ASIP: variants seen among roughly 807,000 people sequenced by gnomAD.
ASIP encodes agouti signaling protein.
A neutral mutation model predicts 10.3 loss-of-function variants in ASIP; 11 were observed. The ratio of observed to expected loss-of-function variants is 1.07; its 90% CI spans 0.68 to 1.78. The LOEUF is 1.78. Ranked by LOEUF, ASIP falls within the 40% of genes most tolerant of loss-of-function variation. The pLI, the probability that ASIP is intolerant of heterozygous loss-of-function variation, is 0.00. For missense variants in ASIP, 180 were observed against 169.2 expected, an observed-to-expected ratio of 1.06 and a Z score of -0.35; for synonymous variants, 70 against 70.8, an observed-to-expected ratio of 0.99 and a Z score of 0.06.
At chr20:34,192,087 G>T (rs1378518165), upstream of ASIP, among the ~76,000 whole-genome samples, 13 of 150,008 alleles carry the variant, frequency 8.7e-5, no homozygotes, top group African/African-American at 2.7e-4. Flanking sequence ...TGTTGCCCAT[G>T]GTGCAATGGC....
intron 1 of ASIP, among the ~76,000 whole-genome samples, chr20:34,227,705 CA>C (rs1356617738): frequency 6.6e-6 from 1 of 151,996 alleles, no homozygotes; most frequent in East Asian, 1.9e-4. Context: ...CAGTTCTCCC[CA>C]GGTTTATCAA....
chr20:34,223,714 G>A (rs2035072052), intron 1 of ASIP, among the ~76,000 whole-genome samples: 1 of 143,754 alleles, frequency 7.0e-6, no homozygotes, highest in Non-Finnish European at 1.5e-5. Context: ...CCGTCTGGGA[G>A]GTGTGCCCAA....
chr20:34,252,763 TG>T (rs758214755), intron 1 of ASIP, among the ~76,000 whole-genome samples: 1 of 152,084 alleles, frequency 6.6e-6, no homozygotes, highest in South Asian at 2.1e-4. Context: ...GCTGTCTCAG[TG>T]GGGGGAAACC....
intron 3 of ASIP, among the ~76,000 whole-genome samples, chr20:34,267,850 A>AAAAAAAGG (rs1296583602): frequency 6.6e-6 from 1 of 152,088 alleles, no homozygotes; most frequent in African/African-American, 2.4e-5. Flanking sequence ...ATTTAAAAAA[A>AAAAAAAGG]AAAAAGGTGC....
chr20:34,193,431 T>A (rs1280920371), upstream of ASIP, among the ~76,000 whole-genome samples: 1 of 151,864 alleles, frequency 6.6e-6, no homozygotes, highest in African/African-American at 2.4e-5. Flanking sequence ...TTTTCTTCCA[T>A]CTTTTTTTTT....
intron 1 of ASIP, among the ~76,000 whole-genome samples, chr20:34,201,915 G>A (rs2034902510): frequency 6.6e-6 from 1 of 152,176 alleles, no homozygotes; most frequent in Non-Finnish European, 1.5e-5. Context: ...ACTTAGAACA[G>A]TGTTCAGTCT....
chr20:34,190,623 C>G (rs1421067086), upstream of ASIP, among the ~76,000 whole-genome samples: 1 of 152,214 alleles, frequency 6.6e-6, no homozygotes, highest in Non-Finnish European at 1.5e-5. Flanking sequence ...GAACTCACCC[C>G]CTTCCTCACT....
intron 1 of ASIP, among the ~76,000 whole-genome samples, chr20:34,218,684 C>CA (rs201620609): frequency 6.6e-6 from 1 of 150,748 alleles, no homozygotes; most frequent in African/African-American, 2.5e-5. Flanking sequence ...TCCTTTTCAG[C>CA]AATTTTTTTT....
At chr20:34,260,326 CT>C (rs1364212543) in intron 1 of ASIP, 38 bp from the exon 2 acceptor site, 2 of 1,587,548 alleles carry the variant, frequency 1.3e-6, no homozygotes, top group South Asian at 1.1e-5. Flanking sequence ...ACCATTACCC[CT>C]GACCCACCCA....
rs2035844193 is a variant in ASIP at position 34,269,155 on chromosome 20, C to G, written c.387C>G (p.Ser129Arg). 1 of 1,539,340 alleles carries G rather than the reference C, an allele frequency of 6.5e-7. No homozygotes were observed. Among genetic ancestry groups the G allele is most frequent in the Non-Finnish European group, 8.8e-7 (1 of 1,141,632 alleles). The change falls in exon 4 of 4, where the codon AGC becomes AGG. Residue 129 changes from serine to arginine, a missense_variant. Ser to Arg is a moderately radical substitution (Grantham distance 110). Coordinates refer to ENST00000374954, the MANE Select transcript of ASIP (RefSeq NM_001672.3). Reference sequence around the variant, plus strand: ...GCGCCTGCTCCTGCCGCGTGCTCAGCCTCAACTGCTGAGCGCCCCCACTCC... The same window carrying G: ...GCGCCTGCTCCTGCCGCGTGCTCAGGCTCAACTGCTGAGCGCCCCCACTCC... ...FRSACSCRVL[S>R]LNC
intron 1 of ASIP, chr20:34,215,302 G>C: frequency 6.5e-7 from 1 of 1,540,982 alleles, no homozygotes; most frequent in Non-Finnish European, 9.0e-7. Context: ...TTCAGAATTA[G>C]TATACTGATA....
At chr20:34,238,415 G>A (rs2035239314), upstream of ASIP, among the ~76,000 whole-genome samples, 1 of 151,990 alleles carries the variant, frequency 6.6e-6, no homozygotes, top group Non-Finnish European at 1.5e-5. Context: ...TCTCTCTTCT[G>A]TCTAATCAAA....
intron 1 of ASIP, among the ~76,000 whole-genome samples, chr20:34,252,556 G>C (rs1240181811): frequency 6.6e-6 from 1 of 152,112 alleles, no homozygotes; most frequent in Non-Finnish European, 1.5e-5. Context: ...TCCTATCTTA[G>C]AATAAAATGA....
intron 1 of ASIP, among the ~76,000 whole-genome samples, chr20:34,212,012 C>T (rs1277132376): frequency 1.3e-5 from 2 of 152,116 alleles, no homozygotes; most frequent in Non-Finnish European, 2.9e-5. Context: ...CTCTCTTATC[C>T]TTCTAAGATT....
chr20:34,219,626 ACACTGTATAAG>A (rs2035031922), intron 1 of ASIP, among the ~76,000 whole-genome samples: 1 of 152,230 alleles, frequency 6.6e-6, no homozygotes, highest in Non-Finnish European at 1.5e-5. Context: ...TCAGTGAATA[ACACTGTATAAG>A]CACTTACTAG....
intron 1 of ASIP, among the ~76,000 whole-genome samples, chr20:34,258,648 G>T (rs2035614724): frequency 1.5e-5 from 1 of 64,820 alleles, no homozygotes; most frequent in Non-Finnish European, 3.3e-5. Context: ...TGTCATTGAG[G>T]AGTTAATATC....
intron 1 of ASIP, chr20:34,214,430 C>G (rs1426273259): frequency 6.7e-6 from 10 of 1,498,706 alleles, no homozygotes; most frequent in Non-Finnish European, 9.3e-6. Flanking sequence ...TCATACCCTG[C>G]AAAGCACTAG....
chr20:34,203,456 G>T (rs2034914108), intron 1 of ASIP, among the ~76,000 whole-genome samples: 1 of 152,086 alleles, frequency 6.6e-6, no homozygotes, highest in African/African-American at 2.4e-5. Context: ...GGAGTGCAGT[G>T]GCATGATTTT....
chr20:34,220,117 A>C (rs1050462081), intron 1 of ASIP, among the ~76,000 whole-genome samples: 1 of 152,008 alleles, frequency 6.6e-6, no homozygotes, highest in African/African-American at 2.4e-5. Context: ...TTTATCTTCC[A>C]AAGTTTACAG....
Sources: gnomAD v4.1 joint callset for allele counts (sites outside exome capture counted in the v4.1 genomes callset) on GRCh38, gnomAD v4.1.1 for gene constraint, MANE v1.5 for transcripts, NCBI Gene and HGNC (gene_info 2026-07-23, HGNC 2026-07-21) for gene names.